Variants in SRGAP1 observed in about 807,000 individuals in gnomAD.
The protein encoded by SRGAP1 is SLIT-ROBO Rho GTPase-activating protein 1.
SRGAP1 carries 43 observed loss-of-function variants against 121.9 expected under a neutral mutation model. The observed-to-expected ratio is 0.35, with a 90% CI of 0.28 to 0.46. The LOEUF is 0.46. Ranked by LOEUF, SRGAP1 falls within the 20% of genes least tolerant of loss-of-function variation. The probability of loss-of-function intolerance (pLI) is 1.00; values close to 1 mark genes in which losing one functional copy is unlikely to be tolerated. For missense variants in SRGAP1, 1,102 were observed against 1,350.9 expected, an observed-to-expected ratio of 0.82 and a Z score of 2.89; for synonymous variants, 447 against 485.4, an observed-to-expected ratio of 0.92 and a Z score of 1.04.
At chr12:64,072,730 G>A (rs368409780) in intron 8 of SRGAP1, among the ~76,000 whole-genome samples, 2 of 152,296 alleles carry the variant, frequency 1.3e-5, no homozygotes, top group African/African-American at 4.8e-5. Flanking sequence ...ATACATTTCT[G>A]TTGTTTAAGC....
At chr12:64,035,519 T>G (rs2034885585) in intron 4 of SRGAP1, among the ~76,000 whole-genome samples, 1 of 152,140 alleles carries the variant, frequency 6.6e-6, no homozygotes, top group Admixed American at 6.5e-5. Context: ...CAGTATACAT[T>G]GCACCCTGAA....
chr12:63,956,307 C>T (rs1328351891), intron 1 of SRGAP1, among the ~76,000 whole-genome samples: 7 of 152,256 alleles, frequency 4.6e-5, no homozygotes, highest in Admixed American at 2.0e-4. Context: ...TCAAGCGATC[C>T]GTCTGCCTCA....
chr12:64,107,699 T>A (rs957012692), intron 15 of SRGAP1, among the ~76,000 whole-genome samples: 4 of 152,172 alleles, frequency 2.6e-5, no homozygotes, highest in Non-Finnish European at 5.9e-5. Flanking sequence ...TGTCAGAGGC[T>A]ATGGACTGAG....
rs1555174256 is a variant in SRGAP1, at chr12:64,101,308, G to GTGTGTGT, written c.1813+3933_1813+3934insTGTGTGT. ...TATTTTTGGATTGTTTGGGGAAAGGGGTGTGTGTGTGTGTGTGTGTGTGTG... is the reference window on the plus strand; with the variant it reads ...TATTTTTGGATTGTTTGGGGAAAGGGTGTGTGTGTGTGTGTGTGTGTGTGTGTGTGTG... On this transcript the variant is annotated intron_variant, in intron 15 of 21. Coordinates refer to ENST00000355086, the MANE Select transcript of SRGAP1 (RefSeq NM_020762.4). Among the ~76,000 whole-genome samples the GTGTGTGT allele has an allele frequency of 2.0e-4, 27 of 138,098 alleles. No individual in the cohort carries two copies. In the East Asian group the frequency reaches 5.7e-3, roughly 29 times the overall value. 90.6% of individuals were successfully genotyped at this position (138,098 alleles called of 152,430 possible). A position where few individuals can be genotyped will look rare whatever the true frequency, so the allele number is the denominator to read the frequency against.
At chr12:64,116,570 T>C (rs1035605069) in intron 18 of SRGAP1, among the ~76,000 whole-genome samples, 1 of 152,196 alleles carries the variant, frequency 6.6e-6, no homozygotes, top group African/African-American at 2.4e-5. Flanking sequence ...ATCTGTGCAG[T>C]TGCTTGCAGT....
At chr12:63,895,836 G>A (rs537179293) in intron 1 of SRGAP1, among the ~76,000 whole-genome samples, 1 of 152,288 alleles carries the variant, frequency 6.6e-6, no homozygotes, top group African/African-American at 2.4e-5. Flanking sequence ...TTTGCTTCAT[G>A]GGGAATTCAA....
At chr12:64,009,771 C>G (rs2034198504) in intron 3 of SRGAP1, among the ~76,000 whole-genome samples, 1 of 152,052 alleles carries the variant, frequency 6.6e-6, no homozygotes, top group Non-Finnish European at 1.5e-5. Flanking sequence ...GGTTTTTACC[C>G]CTTTAGGGTA....
At chr12:64,049,699 T>C (rs1290562084) in intron 6 of SRGAP1, among the ~76,000 whole-genome samples, 1 of 152,178 alleles carries the variant, frequency 6.6e-6, no homozygotes. Flanking sequence ...ATGGATTCAT[T>C]TCTGGGTTCT....
chr12:64,130,767 A>C (rs902914494), intron 21 of SRGAP1, among the ~76,000 whole-genome samples: 1 of 152,218 alleles, frequency 6.6e-6, no homozygotes, highest in Non-Finnish European at 1.5e-5. Context: ...GAATACCATC[A>C]TGGTGGATAA....
chr12:63,880,877 G>A lies in SRGAP1; in HGVS notation c.67+35994G>A, dbSNP rs187484657. ...ATGTACCTCGAAAATGTACTGATGT[G>A]TGAATGAATGAGCGGATGATGTGTT... On this transcript the variant is annotated intron_variant, in intron 1 of 21. Transcript: ENST00000355086. Among the ~76,000 whole-genome samples the A allele has an allele frequency of 1.8e-4, 28 of 152,292 alleles. No homozygotes were observed. The East Asian group carries it at 4.4e-3, about 24-fold the overall frequency.
At chr12:63,971,686 A>T (rs557887934) in intron 1 of SRGAP1, among the ~76,000 whole-genome samples, 1 of 152,262 alleles carries the variant, frequency 6.6e-6, no homozygotes, top group African/African-American at 2.4e-5. Flanking sequence ...TGACATTTTA[A>T]AGCTAGTTAA....
chr12:63,971,363 A>G (rs1004974674), intron 1 of SRGAP1, among the ~76,000 whole-genome samples: 31 of 152,362 alleles, frequency 2.0e-4, no homozygotes, highest in African/African-American at 6.7e-4. Flanking sequence ...TGGATTTTTT[A>G]TATCTCCAGA....
At chr12:64,060,777 C>T (rs1002532032) in intron 6 of SRGAP1, among the ~76,000 whole-genome samples, 16 of 152,116 alleles carry the variant, frequency 1.1e-4, no homozygotes, top group African/African-American at 3.9e-4. Flanking sequence ...ATCCTTTGTA[C>T]AAAAGTTGCT....
intron 1 of SRGAP1, among the ~76,000 whole-genome samples, chr12:63,856,571 A>G (rs893840108): frequency 2.0e-5 from 3 of 152,162 alleles, no homozygotes; most frequent in Admixed American, 6.6e-5. Context: ...TGAAGAAATG[A>G]TATGCTAGCT....
intron 3 of SRGAP1, among the ~76,000 whole-genome samples, chr12:63,993,291 T>C (rs553705626): frequency 3.3e-5 from 5 of 152,312 alleles, no homozygotes; most frequent in South Asian, 2.1e-4. Flanking sequence ...ACCAGCAAGA[T>C]ACAAATTACT....
At chr12:63,930,767 C>T (rs556482694) in intron 1 of SRGAP1, among the ~76,000 whole-genome samples, 2 of 151,762 alleles carry the variant, frequency 1.3e-5, no homozygotes, top group Non-Finnish European at 2.9e-5. Context: ...AAAAAAAATT[C>T]AAAAAGCGTC....
intron 19 of SRGAP1, among the ~76,000 whole-genome samples, chr12:64,126,820 C>G (rs2036694745): frequency 6.6e-6 from 1 of 151,776 alleles, no homozygotes; most frequent in African/African-American, 2.4e-5. Flanking sequence ...TCATATATAT[C>G]TGAAATATCT....
chr12:63,904,798 A>G (rs2030122033), intron 1 of SRGAP1, among the ~76,000 whole-genome samples: 1 of 152,056 alleles, frequency 6.6e-6, no homozygotes, highest in African/African-American at 2.4e-5. Flanking sequence ...AGCCAGGCAT[A>G]ATGGTACATG....
intron 1 of SRGAP1, among the ~76,000 whole-genome samples, chr12:63,933,015 C>T (rs1205769122): frequency 6.6e-6 from 1 of 152,198 alleles, no homozygotes; most frequent in East Asian, 1.9e-4. Context: ...TGGTGAAACC[C>T]CATCTCTACT....
Sources: gnomAD v4.1 joint callset for allele counts (sites outside exome capture counted in the v4.1 genomes callset) on GRCh38, gnomAD v4.1.1 for gene constraint, MANE v1.5 for transcripts, NCBI Gene and HGNC (gene_info 2026-07-23, HGNC 2026-07-21) for gene names.